Variants in RHOT1 observed in about 807,000 individuals in gnomAD.
The protein encoded by RHOT1 is mitochondrial Rho GTPase 1.
A neutral mutation model predicts 95.3 loss-of-function variants in RHOT1; 27 were observed. The ratio of observed to expected loss-of-function variants is 0.28; its 90% CI spans 0.21 to 0.39. The LOEUF (loss-of-function observed/expected upper bound fraction) is 0.39, where lower values mean the gene tolerates loss of function less well. Ranked by LOEUF, RHOT1 falls within the 10% of genes least tolerant of loss-of-function variation. The pLI is 1.00. For synonymous variants in RHOT1, 227 were observed against 263.5 expected, an observed-to-expected ratio of 0.86 and a Z score of 1.34; for missense variants, 578 against 786.7, an observed-to-expected ratio of 0.73 and a Z score of 3.17.
At chr17:32,207,640 A>C (rs1231776766) in intron 17 of RHOT1, 1 of 153,414 alleles carries the variant, frequency 6.5e-6, no homozygotes, top group East Asian at 1.9e-4. Flanking sequence ...AAAATTAAAA[A>C]TAGTTTTGAA....
chr17:32,178,663 G>T (rs1009939363), intron 6 of RHOT1, among the ~76,000 whole-genome samples: 2 of 151,444 alleles, frequency 1.3e-5, no homozygotes, highest in African/African-American at 4.9e-5. Context: ...CGTCTGGGAT[G>T]TGAGGAGCGC....
intron 7 of RHOT1, 83 bp from the exon 8 acceptor site, chr17:32,183,088 T>C (rs1159246411): frequency 4.5e-6 from 5 of 1,115,562 alleles, no homozygotes; most frequent in Non-Finnish European, 6.4e-6. Context: ...TCAAGGAATC[T>C]TTTTTTTGCC....
chr17:32,149,619 A>ATGTGTGTGTGTGTGTGTG (rs1422165602), intron 1 of RHOT1, among the ~76,000 whole-genome samples: 2 of 88,946 alleles, frequency 2.2e-5, no homozygotes, highest in African/African-American at 1.1e-4. Flanking sequence ...ATATATATAT[A>ATGTGTGTGTGTGTGTGTG]TATATATATA....
At chr17:32,181,958 G>A (rs145023586) in intron 6 of RHOT1, among the ~76,000 whole-genome samples, 2 of 152,196 alleles carry the variant, frequency 1.3e-5, no homozygotes, top group East Asian at 1.9e-4. Flanking sequence ...TCAGTTTGGG[G>A]CCTTTGCACA....
intron 11 of RHOT1, among the ~76,000 whole-genome samples, chr17:32,198,729 A>G (rs993227272): frequency 7.2e-5 from 11 of 152,332 alleles, no homozygotes; most frequent in Admixed American, 5.9e-4. Context: ...AGAGAAAAAA[A>G]GAAAATGTTG....
At chr17:32,143,009 G>T (rs1567641585) in intron 1 of RHOT1, 2 of 706,766 alleles carry the variant, frequency 2.8e-6, no homozygotes, top group Admixed American at 2.0e-5. Context: ...GTCCCTATTA[G>T]CCCTAACCGC....
chr17:32,170,309 G>A (rs140092347), intron 1 of RHOT1, among the ~76,000 whole-genome samples: 147 of 152,178 alleles, frequency 9.7e-4, no homozygotes, highest in African/African-American at 3.4e-3. Context: ...CAGCTACTTT[G>A]GAGGCTAAGG....
chr17:32,151,726 C>CA (rs1434715388), intron 1 of RHOT1, among the ~76,000 whole-genome samples: 1 of 151,718 alleles, frequency 6.6e-6, no homozygotes, highest in Non-Finnish European at 1.5e-5. Context: ...ACTAAAAATA[C>CA]AAAAAATTAG....
intron 3 of RHOT1, among the ~76,000 whole-genome samples, chr17:32,174,417 A>G (rs2034830961): frequency 6.6e-6 from 1 of 152,240 alleles, no homozygotes; most frequent in South Asian, 2.1e-4. Context: ...GTTGGACAGC[A>G]CTGTACTGAA....
At chr17:32,176,590 T>TTTA (rs1567679626) in intron 6 of RHOT1, among the ~76,000 whole-genome samples, 17 of 133,830 alleles carry the variant, frequency 1.3e-4, no homozygotes, top group African/African-American at 2.9e-5. Context: ...TTATTTATTT[T>TTTA]GAGACAGAGT....
chr17:32,206,050 AT>A (rs1306191709), intron 16 of RHOT1, among the ~76,000 whole-genome samples: 2 of 152,096 alleles, frequency 1.3e-5, no homozygotes, highest in African/African-American at 4.8e-5. Flanking sequence ...TTAAATTTTG[AT>A]TTGATAACTT....
chr17:32,182,662 A>G (rs2035733652), intron 6 of RHOT1, 95 bp from the exon 7 acceptor site: 1 of 759,216 alleles, frequency 1.3e-6, no homozygotes, highest in South Asian at 2.1e-5. Flanking sequence ...AAGATTAAAT[A>G]AAAGCTTTTT....
chr17:32,203,517 T>C (rs960367428), intron 15 of RHOT1, among the ~76,000 whole-genome samples: 11 of 152,040 alleles, frequency 7.2e-5, no homozygotes, highest in Admixed American at 5.2e-4. Context: ...CCTCCCAAAG[T>C]GCTGGGATTA....
intron 19 of RHOT1, among the ~76,000 whole-genome samples, chr17:32,217,067 A>T (rs2038521209): frequency 6.6e-6 from 1 of 152,252 alleles, no homozygotes; most frequent in South Asian, 2.1e-4. Context: ...ATTAAAGGAC[A>T]TGACAAGGTG....
chr17:32,158,290 T>C (rs140899087), intron 1 of RHOT1, among the ~76,000 whole-genome samples: 147 of 152,330 alleles, frequency 9.7e-4, no homozygotes, highest in African/African-American at 3.0e-3. Flanking sequence ...AGATGGGTCA[T>C]GTAGAAGCGT....
Position 32,154,234 on chromosome 17 carries a change from G to A in RHOT1, c.37+11505G>A, listed in dbSNP as rs541743652. ...GGCAAGAGACTCACTTGAGCCCAGG[G>A]GTTTGAGGCCAGCCTGGACAACATA... On this transcript the variant is annotated intron_variant, in intron 1 of 19. Transcript: ENST00000545287. 2.0e-5 allele frequency among the ~76,000 whole-genome samples: 3 copies of A among 151,082 alleles called. No homozygotes were observed. In the South Asian group the frequency reaches 6.3e-4, roughly 32 times the overall value.
intron 8 of RHOT1, among the ~76,000 whole-genome samples, chr17:32,187,228 A>G (rs535733987): frequency 5.3e-5 from 8 of 152,230 alleles, no homozygotes; most frequent in African/African-American, 1.7e-4. Flanking sequence ...TGGAGGTTGC[A>G]GTGAGCTGAG....
intron 1 of RHOT1, among the ~76,000 whole-genome samples, chr17:32,153,989 A>G (rs910190468): frequency 6.6e-6 from 1 of 152,108 alleles, no homozygotes; most frequent in Non-Finnish European, 1.5e-5. Context: ...TGTATTATTC[A>G]TATAAACCAA....
chr17:32,199,156 G>A, intron 12 of RHOT1, 125 bp downstream of exon 12: 1 of 808,550 alleles, frequency 1.2e-6, no homozygotes, highest in Non-Finnish European at 1.9e-6. Flanking sequence ...ACCTCTCTAA[G>A]TTAAATTCGC....
Sources: gnomAD v4.1 joint callset for allele counts (sites outside exome capture counted in the v4.1 genomes callset) on GRCh38, gnomAD v4.1.1 for gene constraint, MANE v1.5 for transcripts, NCBI Gene and HGNC (gene_info 2026-07-23, HGNC 2026-07-21) for gene names.